PPP1R14C: variants seen among roughly 807,000 people sequenced by gnomAD.
PPP1R14C encodes protein phosphatase 1 regulatory inhibitor subunit 14C.
A neutral mutation model predicts 20.4 loss-of-function variants in PPP1R14C; 16 were observed. The observed-to-expected ratio is 0.78, with a 90% CI of 0.53 to 1.19. The LOEUF (loss-of-function observed/expected upper bound fraction) is 1.19, where lower values mean the gene tolerates loss of function less well. Among genes scored for constraint, PPP1R14C ranks in the 50% most tolerant of loss-of-function variants. The pLI, the probability that PPP1R14C is intolerant of heterozygous loss-of-function variation, is 0.00. For synonymous variants in PPP1R14C, 91 were observed against 91.0 expected (o/e 1.00, Z 0.00); for missense variants, 211 against 220.1 (o/e 0.96, Z 0.26).
chr6:150,193,013 A>G (rs757450769), intron 1 of PPP1R14C, among the ~76,000 whole-genome samples: 3 of 152,188 alleles, frequency 2.0e-5, no homozygotes, highest in Admixed American at 6.5e-5. Context: ...ATTCTGAGTG[A>G]TCAGTTCTCT....
rs200247941 is a variant in PPP1R14C, at chr6:150,173,828, A to AT, written c.306+30330_306+30331insT. Among the ~76,000 whole-genome samples the AT allele has an allele frequency of 7.4e-3, 1,120 of 151,970 alleles. 6 individuals are homozygous for AT. Among genetic ancestry groups the AT allele is most frequent in the Non-Finnish European group, 0.01 (689 of 67,980 alleles). On this transcript the variant is annotated intron_variant, in intron 1 of 3. Coordinates refer to ENST00000361131, the MANE Select transcript of PPP1R14C (RefSeq NM_030949.3). ...GACTGCAGACCTGAGGCTCCTAAGC[A>AT]CCCCAATCTCTCATCTCAACTTCAG...
In PPP1R14C at chr6:150,185,417, G is replaced by T. The variant is rs890261301; in HGVS notation, c.307-29327G>T. On this transcript the variant is annotated intron_variant, in intron 1 of 3. Coordinates refer to ENST00000361131, the MANE Select transcript of PPP1R14C (RefSeq NM_030949.3). This position sits in a 1 kb window ranked among gnomAD's most constrained non-coding sequence, Gnocchi z 4.1. ...TACCTCATCGATTTCCTGACTGCTC[G>T]TCTTGCCATGGGGACCATCCTTGCA... 6.6e-6 allele frequency among the ~76,000 whole-genome samples: 1 copy of T among 152,020 alleles called. No individual in the cohort carries two copies. Among genetic ancestry groups the T allele is most frequent in the African/African-American group, 2.4e-5 (1 of 41,384 alleles).
rs1394228137 is a variant in PPP1R14C at position 150,194,853 on chromosome 6, T to G, written c.307-19891T>G. The G allele has an allele frequency of 3.0e-6, 3 of 985,276 alleles. No individual in the cohort carries two copies. The African/African-American group carries it at 5.2e-5, about 17-fold the overall frequency. 61.0% of individuals were successfully genotyped at this position (985,276 alleles called of 1,614,324 possible). A position where few individuals can be genotyped will look rare whatever the true frequency, so the allele number is the denominator to read the frequency against. ...CGGGGAAGTCTACTTGTTTGAGTAC[T>G]TACACATGTTGAATACAATTATTGA... On this transcript the variant is annotated intron_variant, in intron 1 of 3. Transcript: ENST00000361131.
intron 1 of PPP1R14C, among the ~76,000 whole-genome samples, chr6:150,148,892 C>T (rs1049639775): frequency 3.9e-5 from 6 of 151,986 alleles, no homozygotes; most frequent in South Asian, 2.1e-4. Context: ...GATGAAACTC[C>T]GTCTCTACAA....
intron 3 of PPP1R14C, among the ~76,000 whole-genome samples, chr6:150,224,771 G>T (rs1778211988): frequency 6.6e-6 from 1 of 152,122 alleles, no homozygotes; most frequent in African/African-American, 2.4e-5. Context: ...TCTAATGCTT[G>T]CTCTGTCTCT....
intron 3 of PPP1R14C, among the ~76,000 whole-genome samples, chr6:150,228,445 C>T (rs9479981): frequency 0.04 from 6,028 of 152,284 alleles, 387 homozygotes; most frequent in African/African-American, 0.14. Context: ...GTGAAGCTTC[C>T]ACTTGTCTCC....
intron 1 of PPP1R14C, among the ~76,000 whole-genome samples, chr6:150,147,035 A>G (rs1263135639): frequency 6.6e-6 from 1 of 151,908 alleles, no homozygotes; most frequent in Non-Finnish European, 1.5e-5. Flanking sequence ...AGGCTTATAC[A>G]GGTACATTTT....
intron 1 of PPP1R14C, among the ~76,000 whole-genome samples, chr6:150,207,011 C>T (rs1777960584): frequency 6.6e-6 from 1 of 151,888 alleles, no homozygotes; most frequent in Admixed American, 6.6e-5. Context: ...ATTACAGGCA[C>T]ATGCCACTAT....
At chr6:150,164,852 C>T (rs1369649606) in intron 1 of PPP1R14C, among the ~76,000 whole-genome samples, 3 of 152,136 alleles carry the variant, frequency 2.0e-5, no homozygotes, top group African/African-American at 7.2e-5. Flanking sequence ...GGGAGAGGGG[C>T]CTTTCGGAGG....
intron 1 of PPP1R14C, among the ~76,000 whole-genome samples, chr6:150,158,292 AG>A (rs1777327063): frequency 6.6e-6 from 1 of 152,204 alleles, no homozygotes; most frequent in South Asian, 2.1e-4. Flanking sequence ...AATGGGGGGC[AG>A]AGGCTTATGA....
At chr6:150,248,134 C>G (rs1290925784) in intron 3 of PPP1R14C, among the ~76,000 whole-genome samples, 1 of 152,186 alleles carries the variant, frequency 6.6e-6, no homozygotes, top group Non-Finnish European at 1.5e-5. Context: ...GGGCCCTACT[C>G]TGATGACCTT....
chr6:150,208,449 CA>C (rs1308849799), intron 1 of PPP1R14C, among the ~76,000 whole-genome samples: 1 of 151,980 alleles, frequency 6.6e-6, no homozygotes, highest in African/African-American at 2.4e-5. Flanking sequence ...TAAGTGGGAA[CA>C]TTTTTTTTTG....
At chr6:150,247,479 T>C (rs1046231735) in intron 3 of PPP1R14C, among the ~76,000 whole-genome samples, 5 of 152,164 alleles carry the variant, frequency 3.3e-5, no homozygotes, top group Non-Finnish European at 7.3e-5. Flanking sequence ...CATTTTTCAG[T>C]CTTTAGGTTC....
chr6:150,209,022 G>A (rs1039080727), intron 1 of PPP1R14C, among the ~76,000 whole-genome samples: 3 of 152,146 alleles, frequency 2.0e-5, no homozygotes, highest in Admixed American at 1.3e-4. Context: ...ATAGAAAGAT[G>A]AGCTATAAGA....
chr6:150,219,586 A>G (rs754792540), intron 3 of PPP1R14C, among the ~76,000 whole-genome samples: 3 of 152,104 alleles, frequency 2.0e-5, no homozygotes, highest in Non-Finnish European at 4.4e-5. Context: ...GTGTTTGTCA[A>G]ACATGTAACA....
At chr6:150,226,112 G>A (rs538652518) in intron 3 of PPP1R14C, among the ~76,000 whole-genome samples, 4 of 151,816 alleles carry the variant, frequency 2.6e-5, no homozygotes, top group African/African-American at 9.7e-5. Context: ...CAAATCCATA[G>A]CTGACCTGAC....
intron 3 of PPP1R14C, among the ~76,000 whole-genome samples, chr6:150,248,486 C>T (rs1778520308): frequency 6.6e-6 from 1 of 152,146 alleles, no homozygotes. Context: ...GCCTCAGGGG[C>T]CAAGTAGGTC....
At chr6:150,180,276 A>G (rs1025276308) in intron 1 of PPP1R14C, among the ~76,000 whole-genome samples, 2 of 152,220 alleles carry the variant, frequency 1.3e-5, no homozygotes, top group African/African-American at 4.8e-5. Context: ...TCTGGTAGAT[A>G]GGGTGCACTC....
rs115748814 is a variant in PPP1R14C at position 150,200,109 on chromosome 6, C to T, written c.307-14635C>T. Among the ~76,000 whole-genome samples, 788 of 149,948 alleles carry T rather than the reference C, an allele frequency of 5.3e-3. 5 individuals carry two copies. The highest frequency in any genetic ancestry group is 0.019 in the African/African-American group (757 of 40,730). On this transcript the variant is annotated intron_variant, in intron 1 of 3. Coordinates refer to ENST00000361131, the MANE Select transcript of PPP1R14C (RefSeq NM_030949.3). ...CTTTAACATTAATCTTGAAGAACAC[C>T]TTACATTTTTGGTAGCATTATTGAA... is the stretch of plus-strand genomic sequence containing the variant.
Sources: gnomAD v4.1 joint callset for allele counts (sites outside exome capture counted in the v4.1 genomes callset) on GRCh38, gnomAD v4.1.1 for gene constraint, Gnocchi (gnomAD v3.1) non-coding constraint, MANE v1.5 for transcripts, NCBI Gene and HGNC (gene_info 2026-07-23, HGNC 2026-07-21) for gene names.